SYNJ1: variants seen among roughly 807,000 people sequenced by gnomAD.
The protein encoded by SYNJ1 is polyphosphatidylinositol phosphatase SYNJ1.
In SYNJ1, 78 loss-of-function variants were observed where a neutral mutation model predicts 168.2. The ratio of observed to expected loss-of-function variants is 0.46; its 90% CI spans 0.39 to 0.56. SYNJ1 has a LOEUF of 0.56. SYNJ1 is among the 20% of genes least tolerant of loss of function. The probability of loss-of-function intolerance (pLI) is 0.00; values close to 1 mark genes in which losing one functional copy is unlikely to be tolerated. For synonymous variants in SYNJ1, 539 were observed against 548.6 expected (o/e 0.98, Z 0.24); for missense variants, 1,303 against 1,597.6 (o/e 0.82, Z 3.14).
At chr21:32,643,831 A>G (rs2039952738) in intron 26 of SYNJ1, among the ~76,000 whole-genome samples, 1 of 152,232 alleles carries the variant, frequency 6.6e-6, no homozygotes, top group African/African-American at 2.4e-5. Flanking sequence ...GAAATCATAA[A>G]TTTCTATGAG....
At chr21:32,723,478 C>T (rs923340070) in intron 2 of SYNJ1, among the ~76,000 whole-genome samples, 3 of 152,250 alleles carry the variant, frequency 2.0e-5, no homozygotes, top group African/African-American at 7.2e-5. Flanking sequence ...CCAAGAAAAA[C>T]ACCTACATAT....
At chr21:32,650,107 C>G in intron 23 of SYNJ1, 77 bp downstream of exon 23, 1 of 1,491,050 alleles carries the variant, frequency 6.7e-7, no homozygotes, top group South Asian at 1.4e-5. Flanking sequence ...GAAAGATGAA[C>G]TTGGAAAATA....
chr21:32,675,090 A>T (rs2041351728), intron 13 of SYNJ1, among the ~76,000 whole-genome samples: 2 of 152,220 alleles, frequency 1.3e-5, no homozygotes, highest in African/African-American at 2.4e-5. Context: ...CTGTACCTAG[A>T]TAAAAATAAT....
chr21:32,721,673 C>A, intron 2 of SYNJ1, among the ~76,000 whole-genome samples: 1 of 149,348 alleles, frequency 6.7e-6, no homozygotes. Flanking sequence ...AGCAAGACTC[C>A]ATCTTGGAAA....
chr21:32,713,427 T>G (rs1203634285), intron 2 of SYNJ1, among the ~76,000 whole-genome samples: 3 of 122,058 alleles, frequency 2.5e-5, no homozygotes, highest in Non-Finnish European at 3.5e-5. Context: ...TATGTCAACA[T>G]GGATGATTTC....
chr21:32,714,074 T>C (rs1477724827), intron 2 of SYNJ1, among the ~76,000 whole-genome samples: 13 of 152,218 alleles, frequency 8.5e-5, no homozygotes, highest in African/African-American at 2.9e-4. Flanking sequence ...TTAAGATTTA[T>C]ATACTTTTCT....
At position 32,727,873 on chromosome 21, in the gene SYNJ1, T is replaced by C. The variant is rs1381801157; in HGVS notation, c.-23+73A>G. 2.6e-6 allele frequency: 4 copies of C among 1,524,026 alleles called. No homozygotes were observed. The South Asian group carries it at 4.8e-5, about 18-fold the overall frequency. 94.4% of individuals were successfully genotyped at this position (1,524,026 alleles called of 1,614,324 possible). A position where few individuals can be genotyped will look rare whatever the true frequency, so the allele number is the denominator to read the frequency against. ...ACGCTGCGGAGGCAGAGACTGGTCT[T>C]GGAGGCGTCCGCCCGCCCGGCTGCC... On this transcript the variant is annotated intron_variant, in intron 1 of 32. Transcript: ENST00000674351.
At chr21:32,665,872 G>T in intron 17 of SYNJ1, 71 bp downstream of exon 17, 1 of 1,402,476 alleles carries the variant, frequency 7.1e-7, no homozygotes, top group Non-Finnish European at 9.5e-7. Flanking sequence ...CAAAAACATT[G>T]ATGTAGAATT....
At chr21:32,672,501 G>A (rs1369511883) in intron 14 of SYNJ1, among the ~76,000 whole-genome samples, 5 of 151,660 alleles carry the variant, frequency 3.3e-5, no homozygotes, top group Non-Finnish European at 5.9e-5. Context: ...CACCACACCC[G>A]GCTAATTTTT....
intron 5 of SYNJ1, 104 bp downstream of exon 5, chr21:32,694,953 A>G (rs2042150527): frequency 2.6e-6 from 3 of 1,173,034 alleles, no homozygotes; most frequent in Non-Finnish European, 3.5e-6. Context: ...AAAACATTAT[A>G]GATGTTAAAA....
chr21:32,659,862 A>ACTT (rs1300097235), intron 18 of SYNJ1, among the ~76,000 whole-genome samples: 2 of 152,138 alleles, frequency 1.3e-5, no homozygotes, highest in Non-Finnish European at 2.9e-5. Context: ...GAGGTGATTA[A>ACTT]CGGATGGTCA....
At chr21:32,639,840 G>T in intron 29 of SYNJ1, 61 bp from the exon 30 acceptor site, 1 of 1,408,752 alleles carries the variant, frequency 7.1e-7, no homozygotes, top group South Asian at 1.2e-5. Flanking sequence ...AAAATTCTGT[G>T]AAAACATTTG....
At chr21:32,721,353 A>C (rs192882868) in intron 2 of SYNJ1, among the ~76,000 whole-genome samples, 4 of 152,360 alleles carry the variant, frequency 2.6e-5, no homozygotes, top group African/African-American at 9.6e-5. Flanking sequence ...CAACAGAAGA[A>C]ATAATAATGA....
chr21:32,690,963 A>G (rs922944252), intron 6 of SYNJ1, among the ~76,000 whole-genome samples: 4 of 152,230 alleles, frequency 2.6e-5, no homozygotes, highest in African/African-American at 9.6e-5. Flanking sequence ...TTTAAAAATC[A>G]TTTAATTGTG....
intron 1 of SYNJ1, among the ~76,000 whole-genome samples, 184 bp from the exon 2 acceptor site, chr21:32,727,101 A>T (rs1042705350): frequency 6.6e-6 from 1 of 152,228 alleles, no homozygotes; most frequent in East Asian, 1.9e-4. Flanking sequence ...TTTACCAAAA[A>T]GCAAGAGGAA....
intron 8 of SYNJ1, 39 bp downstream of exon 8, chr21:32,686,939 T>C (rs752001218): frequency 3.1e-6 from 4 of 1,277,138 alleles, no homozygotes; most frequent in Middle Eastern, 1.9e-4. Context: ...ATTCTAGGTG[T>C]CCATGGGCCA....
chr21:32,694,370 T>A, intron 5 of SYNJ1, 59 bp from the exon 6 acceptor site: 2 of 1,304,026 alleles, frequency 1.5e-6, no homozygotes, highest in East Asian at 2.7e-5. Flanking sequence ...ACACTTACAT[T>A]AGAAAAACAA....
At chr21:32,644,001 CAG>C (rs925002769) in intron 26 of SYNJ1, among the ~76,000 whole-genome samples, 4 of 152,158 alleles carry the variant, frequency 2.6e-5, no homozygotes, top group African/African-American at 9.7e-5. Flanking sequence ...AAAATTAAGA[CAG>C]ATTTCACTGT....
chr21:32,716,458 T>C (rs1021012304), intron 2 of SYNJ1, among the ~76,000 whole-genome samples: 19 of 152,206 alleles, frequency 1.2e-4, no homozygotes, highest in African/African-American at 4.6e-4. Flanking sequence ...GTTTCTTCCT[T>C]CCAGTACTTT....
Sources: gnomAD v4.1 joint callset for allele counts (sites outside exome capture counted in the v4.1 genomes callset) on GRCh38, gnomAD v4.1.1 for gene constraint, MANE v1.5 for transcripts, NCBI Gene and HGNC (gene_info 2026-07-23, HGNC 2026-07-21) for gene names.